The following NPAS1 variants were observed in gnomAD, a reference collection of about 807,000 sequenced individuals.
NPAS1 encodes the protein neuronal PAS domain protein 1.
In NPAS1, 29 loss-of-function variants were observed where a neutral mutation model predicts 49.2. That is an observed-to-expected ratio of 0.59 (90% confidence interval 0.44 to 0.80). NPAS1 has a LOEUF of 0.80. Among genes scored for constraint, NPAS1 ranks in the 30% least tolerant of loss-of-function variants. The pLI, the probability that NPAS1 is intolerant of heterozygous loss-of-function variation, is 0.00. For synonymous variants in NPAS1, 408 were observed against 380.4 expected (o/e 1.07, Z -0.84); for missense variants, 825 against 835.5 (o/e 0.99, Z 0.15).
chr19:47,026,330 G>C (rs528503050), intron 3 of NPAS1, among the ~76,000 whole-genome samples: 9 of 152,250 alleles, frequency 5.9e-5, no homozygotes, highest in Non-Finnish European at 1.2e-4. Flanking sequence ...GGGAACAGCA[G>C]GTGCAAAGGC....
At chr19:47,037,741 G>A (rs184902568) in intron 6 of NPAS1, among the ~76,000 whole-genome samples, 7 of 152,334 alleles carry the variant, frequency 4.6e-5, no homozygotes, top group Admixed American at 1.3e-4. Context: ...AGCGTGGGGC[G>A]AAGTCTGCAA....
At position 47,038,977 on chromosome 19, in the gene NPAS1, G is replaced by T. The variant is rs2056989922; in HGVS notation, c.689-59G>T. ...TGTCCGGCTGGCTCTGCAAGGGTCA[G>T]GGTGGCCTGTGTGTTTCCTCTTCAG... On this transcript the variant is annotated intron_variant, in intron 6 of 11. Coordinates refer to ENST00000602212, the MANE Select transcript of NPAS1 (RefSeq NM_002517.4). 1.3e-5 allele frequency: 19 copies of T among 1,461,866 alleles called. No individual in the cohort carries two copies. In the South Asian group the frequency reaches 1.9e-4, roughly 15 times the overall value. The allele number at this position is 1,461,866 out of a possible 1,614,324, so 90.6% of individuals were successfully genotyped here.
intron 9 of NPAS1, 58 bp downstream of exon 9, chr19:47,040,608 A>T: frequency 8.2e-7 from 1 of 1,216,680 alleles, no homozygotes; most frequent in East Asian, 2.6e-5. Flanking sequence ...CGAGCATCCC[A>T]CTCCCTGGTC....
chr19:47,042,849 G>C lies in NPAS1; in HGVS notation c.1257G>C (p.Gln419His). ...EGGQTPLDAF[Q>H]LPASVACEEA... ...GCCAAACTCCTTTGGATGCCTTCCA[G>C]CTTCCAGCCAGCGTGGCCTGTGAGG... The change falls in exon 11 of 12, where the codon CAG becomes CAC. Residue 419 changes from glutamine to histidine, a missense_variant. Gln to His is a conservative substitution (Grantham distance 24). Transcript: ENST00000602212. 2 of 1,606,472 alleles carry C rather than the reference G, an allele frequency of 1.2e-6. No individual in the cohort carries two copies. Among genetic ancestry groups the C allele is most frequent in the South Asian group, 2.2e-5 (2 of 89,798 alleles).
chr19:47,034,470 T>C (rs1402392527), intron 5 of NPAS1, among the ~76,000 whole-genome samples: 1 of 152,188 alleles, frequency 6.6e-6, no homozygotes, highest in East Asian at 1.9e-4. Context: ...ATAGGAAATT[T>C]AGGAAATTCA....
In NPAS1 at chr19:47,039,405, A is replaced by G; in HGVS notation, c.805-2A>G. The G allele has an allele frequency of 6.2e-7, 1 of 1,611,726 alleles. No individual in the cohort carries two copies. On this transcript the variant is annotated splice_acceptor_variant, in intron 7 of 11. Transcript: ENST00000602212. LOFTEE classifies it high-confidence loss of function. ...TCCTCCAACCATGCCCACCACCAGC[A>G]GGTCATCCACGTGACTGGGCGCCTT... is the stretch of plus-strand genomic sequence containing the variant.
At chr19:47,039,373 T>C (rs2056994175) in intron 7 of NPAS1, 34 bp from the exon 8 acceptor site, 1 of 1,609,778 alleles carries the variant, frequency 6.2e-7, no homozygotes. Flanking sequence ...CTGGCCCGCC[T>C]TGTCCCTCCT....
At chr19:47,039,274 T>A in intron 7 of NPAS1, 123 bp downstream of exon 7, 1 of 1,468,320 alleles carries the variant, frequency 6.8e-7, no homozygotes, top group Non-Finnish European at 9.3e-7. Flanking sequence ...GGTCTGGGAA[T>A]GGGACTGGGG....
At chr19:47,040,610 T>TC (rs1358051715) in intron 9 of NPAS1, 60 bp downstream of exon 9, 136 of 1,168,842 alleles carry the variant, frequency 1.2e-4, no homozygotes, top group Admixed American at 1.4e-4. Context: ...AGCATCCCAC[T>TC]CCCTGGTCCC....
intron 10 of NPAS1, among the ~76,000 whole-genome samples, chr19:47,041,672 C>G (rs553958587): frequency 1.3e-4 from 20 of 152,250 alleles, no homozygotes; most frequent in African/African-American, 4.8e-4. Flanking sequence ...GTCAGATCTG[C>G]TTTTTAGAAA....
intron 3 of NPAS1, among the ~76,000 whole-genome samples, chr19:47,024,976 A>AT (rs1336610879): frequency 1.3e-5 from 2 of 149,626 alleles, no homozygotes; most frequent in African/African-American, 2.4e-5. Flanking sequence ...CGCCTGGCTA[A>AT]TTTTTTGTAT....
In NPAS1 at chr19:47,032,297, C is replaced by G; in HGVS notation, c.378C>G (p.Pro126=). The change falls in exon 4 of 12, where the codon CCC becomes CCG. Residue 126 remains proline (P), a synonymous_variant. Coordinates refer to ENST00000602212, the MANE Select transcript of NPAS1 (RefSeq NM_002517.4). The stretch of plus-strand genomic sequence containing the variant: ...CCCCAGCCCCAGGCCGCCGCGGCCC[C>G]GCAGCGCTGGTCTCCGAAGTCTTCG... ...PAGLAPGRRG[P]AALVSEVFEQ... 3 of 1,613,982 alleles carry G rather than the reference C, an allele frequency of 1.9e-6. No individual in the cohort carries two copies. Among genetic ancestry groups the G allele is most frequent in the Non-Finnish European group, 2.5e-6 (3 of 1,180,002 alleles).
At chr19:47,033,488 T>C (rs559199711) in intron 5 of NPAS1, among the ~76,000 whole-genome samples, 31 of 152,202 alleles carry the variant, frequency 2.0e-4, no homozygotes, top group African/African-American at 7.5e-4. Context: ...GCAATCCGCC[T>C]GCCTCAGCCT....
rs1484547622 is a variant in NPAS1, at chr19:47,043,036, G to A, written c.1312+132G>A. 7 of 633,454 alleles carry A rather than the reference G, an allele frequency of 1.1e-5. 1 individual carries two copies. The East Asian group carries it at 2.6e-4, about 23-fold the overall frequency. The allele number at this position is 633,454 out of a possible 1,614,324, so 39.2% of individuals were successfully genotyped here. ...TAAAATTAAAATCCAGGCCGGTGCGGTGGCTCACGCCTGTAATCCCAGCAC... is the reference window on the plus strand; with the variant it reads ...TAAAATTAAAATCCAGGCCGGTGCGATGGCTCACGCCTGTAATCCCAGCAC... On this transcript the variant is annotated intron_variant, in intron 11 of 11. Transcript: ENST00000602212.
chr19:47,044,826 T>C (rs765743295), intron 11 of NPAS1, among the ~76,000 whole-genome samples: 12 of 152,074 alleles, frequency 7.9e-5, no homozygotes, highest in Admixed American at 3.9e-4. Context: ...GGTCAGGAGT[T>C]TGAGACCAGT....
In NPAS1 at chr19:47,045,537, C is replaced by T; in HGVS notation, c.1659C>T (p.Tyr553=). 6.5e-7 allele frequency: 1 copy of T among 1,528,902 alleles called. No homozygotes were observed. The highest frequency in any genetic ancestry group is 1.4e-5 in the African/African-American group (1 of 72,154). 94.7% of individuals were successfully genotyped at this position (1,528,902 alleles called of 1,614,324 possible). ...GCCCCGCGGAGCTGGGCCTGGTGTA[C>T]CCGCACCTGCAGAGGCTGGGTCCGG... ...RYGPAELGLV[Y]PHLQRLGPGP... is the part of the protein sequence containing the mutation. Residue 553 remains tyrosine (Y), a synonymous_variant, in exon 12 of 12, where the codon TAC becomes TAT. Coordinates refer to ENST00000602212, the MANE Select transcript of NPAS1 (RefSeq NM_002517.4).
intron 3 of NPAS1, among the ~76,000 whole-genome samples, chr19:47,023,733 G>A (rs573213854): frequency 2.2e-4 from 34 of 152,172 alleles, no homozygotes; most frequent in African/African-American, 8.2e-4. Context: ...TGGGAGGAAA[G>A]CTTTGGGCCA....
chr19:47,042,816 C>T lies in NPAS1; in HGVS notation c.1224C>T (p.Ala408=), dbSNP rs142107333. The T allele has an allele frequency of 2.2e-5, 36 of 1,603,020 alleles. No homozygotes were observed. Among genetic ancestry groups the T allele is most frequent in the South Asian group, 5.6e-5 (5 of 89,324 alleles). ...VLWVSHVLSQ[A]EGGQTPLDAF... ...GCATCCATCTTCTCCCCAGCCAAGC[C>T]GAGGGTGGCCAAACTCCTTTGGATG... Residue 408 remains alanine (A), a synonymous_variant, in exon 11 of 12, where the codon GCC becomes GCT. Coordinates refer to ENST00000602212, the MANE Select transcript of NPAS1 (RefSeq NM_002517.4).
At chr19:47,020,789 C>A (rs1328325772) in intron 1 of NPAS1, 2 of 293,670 alleles carry the variant, frequency 6.8e-6, no homozygotes, top group Admixed American at 5.2e-5. Context: ...GCGGGCGGCG[C>A]GGGGGAGGCG....
Sources: gnomAD v4.1 joint callset for allele counts (sites outside exome capture counted in the v4.1 genomes callset) on GRCh38, gnomAD v4.1.1 for gene constraint, MANE v1.5 for transcripts, NCBI Gene and HGNC (gene_info 2026-07-23, HGNC 2026-07-21) for gene names.